CRYBG1: variants seen among roughly 807,000 people sequenced by gnomAD.
CRYBG1 encodes beta/gamma crystallin domain-containing protein 1.
CRYBG1 carries 139 observed loss-of-function variants against 189.2 expected under a neutral mutation model. The ratio of observed to expected loss-of-function variants is 0.73; its 90% CI spans 0.64 to 0.85. The LOEUF is 0.85. CRYBG1 is among the 40% of genes least tolerant of loss of function. CRYBG1 has a pLI of 0.00. For synonymous variants in CRYBG1, 1,023 were observed against 1,017.1 expected, an observed-to-expected ratio of 1.01 and a Z score of -0.11; for missense variants, 2,611 against 2,675.8, an observed-to-expected ratio of 0.98 and a Z score of 0.53.
At chr6:106,552,307 C>T (rs760693437) in intron 15 of CRYBG1, 91 bp downstream of exon 15, 6 of 971,338 alleles carry the variant, frequency 6.2e-6, no homozygotes, top group South Asian at 1.7e-5. Flanking sequence ...CATTTGGGGC[C>T]GGGTGTGGTG....
At chr6:106,550,220 G>A (rs955346632) in intron 13 of CRYBG1, among the ~76,000 whole-genome samples, 21 of 152,106 alleles carry the variant, frequency 1.4e-4, no homozygotes, top group African/African-American at 4.8e-4. Flanking sequence ...CTGTGTCTTA[G>A]GTTTTTCCCA....
Position 106,440,562 on chromosome 6 carries a change from C to T in CRYBG1, c.174-11132C>T, listed in dbSNP as rs117427356. Among the ~76,000 whole-genome samples the T allele has an allele frequency of 1.1e-3, 161 of 152,292 alleles. 2 individuals are homozygous for T. In the East Asian group the frequency reaches 0.017, roughly 16 times the overall value. On this transcript the variant is annotated intron_variant, in intron 1 of 21. Transcript: ENST00000633556. ...GATTACAGGTGTGAGCCACTGCACC[C>T]GGCCCCTTTCTTTTTTTCTTTCCAT...
chr6:106,409,773 A>G (rs1770891606), intron 1 of CRYBG1, among the ~76,000 whole-genome samples: 1 of 152,328 alleles, frequency 6.6e-6, no homozygotes, highest in East Asian at 1.9e-4. Flanking sequence ...AGCAATGGGG[A>G]AAGGATTCCC....
intron 6 of CRYBG1, 55 bp downstream of exon 6, chr6:106,525,441 A>T: frequency 7.0e-7 from 1 of 1,419,938 alleles, no homozygotes; most frequent in Non-Finnish European, 1.0e-6. Flanking sequence ...TACATACTTA[A>T]TTAACTTTTT....
intron 2 of CRYBG1, among the ~76,000 whole-genome samples, chr6:106,479,904 G>A (rs895067637): frequency 6.6e-6 from 1 of 151,988 alleles, no homozygotes. Flanking sequence ...AAGCACAAAA[G>A]TTTTTAATTT....
intron 1 of CRYBG1, among the ~76,000 whole-genome samples, chr6:106,434,338 C>T (rs553513447): frequency 6.6e-6 from 1 of 152,202 alleles, no homozygotes; most frequent in East Asian, 1.9e-4. Flanking sequence ...ATAGCTACAA[C>T]AGTAGTCAAA....
chr6:106,397,214 A>C (rs1006513231), intron 1 of CRYBG1, among the ~76,000 whole-genome samples: 1 of 152,350 alleles, frequency 6.6e-6, no homozygotes, highest in African/African-American at 2.4e-5. Flanking sequence ...TGAAATGATT[A>C]CCGCAATCAA....
rs545750533 is a variant in CRYBG1 at position 106,386,657 on chromosome 6, C to T, written c.173+25576C>T. 2.4e-5 allele frequency among the ~76,000 whole-genome samples: 3 copies of T among 124,758 alleles called. No individual in the cohort carries two copies. In the South Asian group the frequency reaches 7.0e-4, roughly 29 times the overall value. The allele number at this position is 124,758 out of a possible 152,430, so 81.8% of individuals were successfully genotyped here. ...TCATAAGGAGCATGCAGCCTAGATC[C>T]CTTGTATGTACAGTTCACAATAGGG... On this transcript the variant is annotated intron_variant, in intron 1 of 21. Transcript: ENST00000633556.
intron 1 of CRYBG1, among the ~76,000 whole-genome samples, chr6:106,392,490 A>G (rs1770527411): frequency 6.6e-6 from 1 of 152,194 alleles, no homozygotes; most frequent in African/African-American, 2.4e-5. Context: ...GTGAAGGCAA[A>G]AGAGAATCAG....
intron 2 of CRYBG1, among the ~76,000 whole-genome samples, chr6:106,489,891 A>AAC (rs1203115161): frequency 1.3e-5 from 2 of 152,210 alleles, no homozygotes; most frequent in African/African-American, 2.4e-5. Flanking sequence ...CAGAAATAAG[A>AAC]ACACAAAATT....
chr6:106,455,367 C>T (rs2114444080), intron 2 of CRYBG1, among the ~76,000 whole-genome samples: 1 of 151,440 alleles, frequency 6.6e-6, no homozygotes, highest in East Asian at 1.9e-4. Flanking sequence ...CATATATCTA[C>T]TTATATTTAT....
chr6:106,522,172 T>G (rs1328448073), intron 4 of CRYBG1, among the ~76,000 whole-genome samples: 1 of 152,234 alleles, frequency 6.6e-6, no homozygotes, highest in Non-Finnish European at 1.5e-5. Context: ...TACTTAGAAT[T>G]TTGAAGATTT....
chr6:106,533,387 G>A (rs2114559189), intron 8 of CRYBG1, among the ~76,000 whole-genome samples: 1 of 152,346 alleles, frequency 6.6e-6, no homozygotes, highest in African/African-American at 2.4e-5. Flanking sequence ...ACGCCTTGGG[G>A]AGGAGGATTT....
intron 2 of CRYBG1, among the ~76,000 whole-genome samples, chr6:106,458,677 G>C (rs558884570): frequency 1.3e-5 from 2 of 152,122 alleles, no homozygotes; most frequent in Middle Eastern, 6.8e-3. Flanking sequence ...TTTTGTTTAG[G>C]CTTTTGAAGG....
Position 106,519,420 on chromosome 6 carries a change from C to T in CRYBG1, c.2212C>T (p.Pro738Ser). The T allele has an allele frequency of 1.9e-6, 3 of 1,614,054 alleles. No homozygotes were observed. The highest frequency in any genetic ancestry group is 8.5e-7 in the Non-Finnish European group (1 of 1,180,032). The change falls in exon 4 of 22, where the codon CCC (proline) becomes TCC (serine). Residue 738 changes from proline to serine, a missense_variant. Physicochemically the swap from Pro to Ser is moderately conservative, Grantham distance 74. Around this residue, in one of 3 missense-constraint regions of CRYBG1, gnomAD observed 1,622 missense variants for 1,735.0 expected, o/e 0.93. Coordinates refer to ENST00000633556, the MANE Select transcript of CRYBG1 (RefSeq NM_001371242.2). Reference protein sequence around the residue: ...QPEKKVMPNSPQNGVLVKETA... With the variant: ...QPEKKVMPNSSQNGVLVKETA... Reference sequence around the variant, plus strand: ...TGAAAAGAAAGTAATGCCAAACAGTCCCCAGAATGGTGTGCTGGTTAAGGA... The same window carrying T: ...TGAAAAGAAAGTAATGCCAAACAGTTCCCAGAATGGTGTGCTGGTTAAGGA...
At chr6:106,484,906 G>T (rs1315771391) in intron 2 of CRYBG1, among the ~76,000 whole-genome samples, 3 of 152,102 alleles carry the variant, frequency 2.0e-5, no homozygotes, top group African/African-American at 7.2e-5. Flanking sequence ...TAGGAGGATT[G>T]CTTGAGACCA....
chr6:106,512,279 G>A lies in CRYBG1; in HGVS notation c.1162G>A (p.Ala388Thr). ...CATCTACTTGAGTAAGACTGAGGGG[G>A]CACAAGTGGACGAGCCGGTCGTGAT... The part of the protein sequence containing the change: ...LDIYLSKTEG[A>T]QVDEPVVITP... The change falls in exon 3 of 22, where the codon GCA becomes ACA. Residue 388 changes from alanine to threonine, a missense_variant. Around this residue, in one of 3 missense-constraint regions of CRYBG1, gnomAD observed 985 missense variants for 924.4 expected, o/e 1.07. Coordinates refer to ENST00000633556, the MANE Select transcript of CRYBG1 (RefSeq NM_001371242.2). 1 of 1,573,256 alleles carries A rather than the reference G, an allele frequency of 6.4e-7. No homozygotes were observed. Among genetic ancestry groups the A allele is most frequent in the Non-Finnish European group, 8.6e-7 (1 of 1,163,012 alleles).
chr6:106,444,981 A>AAAACAAACAAAC (rs75128545), intron 1 of CRYBG1, among the ~76,000 whole-genome samples: 4 of 151,528 alleles, frequency 2.6e-5, no homozygotes, highest in African/African-American at 9.7e-5. Context: ...AAAAACCAAC[A>AAAACAAACAAAC]AAACAAACAA....
chr6:106,392,255 C>T (rs1770522143), intron 1 of CRYBG1, among the ~76,000 whole-genome samples: 1 of 152,108 alleles, frequency 6.6e-6, no homozygotes, highest in African/African-American at 2.4e-5. Flanking sequence ...CTCCCCAAGC[C>T]TGCTTCTCCC....
Sources: gnomAD v4.1 joint callset for allele counts (sites outside exome capture counted in the v4.1 genomes callset) on GRCh38, gnomAD v4.1.1 for gene constraint, gnomAD v4.1.1 regional missense constraint, MANE v1.5 for transcripts, NCBI Gene and HGNC (gene_info 2026-07-23, HGNC 2026-07-21) for gene names.